The following TSPAN10 variants were observed in gnomAD, a reference collection of about 807,000 sequenced individuals.
The protein encoded by TSPAN10 is tetraspanin 10.
In TSPAN10, 11 loss-of-function variants were observed where a neutral mutation model predicts 15.0. The ratio of observed to expected loss-of-function variants is 0.73; its 90% CI spans 0.46 to 1.21. The LOEUF is 1.21. Ranked by LOEUF, TSPAN10 falls within the 50% of genes most tolerant of loss-of-function variation. The pLI is 0.00. For missense variants in TSPAN10, 486 were observed against 470.6 expected, an observed-to-expected ratio of 1.03 and a Z score of -0.30; for synonymous variants, 241 against 226.2, an observed-to-expected ratio of 1.07 and a Z score of -0.59.
At chr17:81,643,723 C>T (rs1217255711) in intron 1 of TSPAN10, among the ~76,000 whole-genome samples, 1 of 152,060 alleles carries the variant, frequency 6.6e-6, no homozygotes. Flanking sequence ...TTTGAGGCTG[C>T]AGTGAGCTGA....
intron 2 of TSPAN10, chr17:81,646,047 C>T (rs2036248865): frequency 6.6e-6 from 2 of 301,110 alleles, no homozygotes; most frequent in South Asian, 3.2e-5. Flanking sequence ...CCGCCAGGGC[C>T]AGGAGGACTA....
intron 1 of TSPAN10, among the ~76,000 whole-genome samples, chr17:81,642,682 T>C (rs1313234136): frequency 6.6e-6 from 1 of 152,190 alleles, no homozygotes; most frequent in African/African-American, 2.4e-5. Context: ...CAGATCTCCC[T>C]GAGGGCCTTG....
intron 2 of TSPAN10, chr17:81,645,863 T>TAA: frequency 1.6e-6 from 1 of 627,332 alleles, no homozygotes; most frequent in Non-Finnish European, 2.8e-6. Context: ...GAACATGTTC[T>TAA]TGTGCACACA....
chr17:81,643,266 G>A (rs1297531771), intron 1 of TSPAN10, among the ~76,000 whole-genome samples: 1 of 149,350 alleles, frequency 6.7e-6, no homozygotes, highest in Non-Finnish European at 1.5e-5. Context: ...CCAAAGTGCT[G>A]GGATTACAGG....
At chr17:81,647,206 C>T (rs2036266506) in intron 2 of TSPAN10, among the ~76,000 whole-genome samples, 1 of 152,122 alleles carries the variant, frequency 6.6e-6, no homozygotes, top group African/African-American at 2.4e-5. Flanking sequence ...GGTGGCAGTC[C>T]CCCTAGAGTG....
chr17:81,639,996 G>C (rs1016628394), upstream of TSPAN10, among the ~76,000 whole-genome samples: 1 of 148,160 alleles, frequency 6.7e-6, no homozygotes, highest in Non-Finnish European at 1.5e-5. Context: ...AAAAAAAAAA[G>C]AAAAGACTGG....
At chr17:81,642,713 G>T (rs1328787485) in intron 1 of TSPAN10, among the ~76,000 whole-genome samples, 1 of 152,182 alleles carries the variant, frequency 6.6e-6, no homozygotes, top group African/African-American at 2.4e-5. Flanking sequence ...TTGGCTCAGG[G>T]TGCAGGAGGG....
chr17:81,641,143 C>T (rs1039344851), upstream of TSPAN10, among the ~76,000 whole-genome samples: 16 of 151,704 alleles, frequency 1.1e-4, no homozygotes, highest in African/African-American at 3.9e-4. Context: ...CCAGCCTCAG[C>T]AACAGAGCGA....
At chr17:81,642,306 G>C (rs752133702), upstream of TSPAN10, 6 of 1,377,164 alleles carry the variant, frequency 4.4e-6, no homozygotes, top group South Asian at 1.2e-5. Context: ...ACTGTTCACA[G>C]ACTAGCCCAG....
intron 1 of TSPAN10, among the ~76,000 whole-genome samples, chr17:81,643,535 C>T (rs868825724): frequency 2.3e-5 from 1 of 42,996 alleles, no homozygotes; most frequent in Middle Eastern, 0.012. Context: ...GGCGTGAACC[C>T]GGGAGGCGGA....
rs776419388 is a variant in TSPAN10 at position 81,648,183 on chromosome 17, C to T, written c.957C>T (p.Leu319=). Reference sequence around the variant, plus strand: ...TGGCCGCCCGGCTACTCGGGGCCCTCGCTGCCCGCAGGGGGGCGGCGTACG... The same window carrying T: ...TGGCCGCCCGGCTACTCGGGGCCCTTGCTGCCCGCAGGGGGGCGGCGTACG... The change falls in exon 3 of 3, where the codon CTC becomes CTT. Residue 319 remains leucine, a synonymous_variant. Coordinates refer to ENST00000611590, the Ensembl canonical transcript of TSPAN10. The T allele has an allele frequency of 7.2e-4, 1,029 of 1,422,666 alleles. 1 individual carries two copies. The highest frequency in any genetic ancestry group is 8.6e-4 in the Non-Finnish European group (953 of 1,101,838). The allele number at this position is 1,422,666 out of a possible 1,614,324, so 88.1% of individuals were successfully genotyped here.
chr17:81,645,297 G>GC lies in TSPAN10; in HGVS notation c.346dup (p.Leu116ProfsTer30), dbSNP rs759723363. 2.0e-6 allele frequency: 3 copies of GC among 1,538,304 alleles called. No individual in the cohort carries two copies. Among genetic ancestry groups the GC allele is most frequent in the Non-Finnish European group, 2.6e-6 (3 of 1,148,742 alleles). The stretch of plus-strand genomic sequence containing the variant: ...GGTCTCTGGGAAGTGATCTGGGGGG[G>GC]CCCCTGCCCGCAGACCCCATGCTGG... On this transcript the variant is annotated frameshift_variant, in exon 2 of 3. Coordinates refer to ENST00000611590, the Ensembl canonical transcript of TSPAN10. LOFTEE classifies it high-confidence loss of function.
At chr17:81,641,679 G>T (rs533743512), upstream of TSPAN10, among the ~76,000 whole-genome samples, 4 of 152,142 alleles carry the variant, frequency 2.6e-5, no homozygotes, top group Middle Eastern at 6.8e-3. Context: ...ACTTTGGAAG[G>T]CCAAGGCAGG....
downstream of TSPAN10, chr17:81,648,421 A>G (rs915121581): frequency 1.7e-5 from 16 of 918,966 alleles, no homozygotes; most frequent in Non-Finnish European, 1.9e-5. Flanking sequence ...ACTTCGCCGC[A>G]GGACCTACCC....
exon 2 of TSPAN10, chr17:81,645,406 C>G: frequency 6.2e-7 from 1 of 1,603,526 alleles, no homozygotes; most frequent in Non-Finnish European, 8.5e-7. Flanking sequence ...CTGCCTGTTA[C>G]GTGGCTTCTC....
intron 1 of TSPAN10, among the ~76,000 whole-genome samples, chr17:81,643,959 C>T (rs1195542422): frequency 6.6e-6 from 1 of 151,930 alleles, no homozygotes; most frequent in Non-Finnish European, 1.5e-5. Context: ...CCTGCCTCAG[C>T]CTCCCAAGTA....
chr17:81,647,455 A>G (rs9906358), intron 2 of TSPAN10: 227,697 of 462,350 alleles, frequency 0.49, 62,019 homozygotes, highest in East Asian at 1. Flanking sequence ...TGTCACTGCC[A>G]GGTACTGCCT....
exon 2 of TSPAN10, chr17:81,645,123 C>T (rs376318100): frequency 2.5e-6 from 4 of 1,582,212 alleles, no homozygotes; most frequent in Non-Finnish European, 2.6e-6. Context: ...AGCACCAGGC[C>T]TTGAGTGGCA....
At chr17:81,648,041 G>C (rs2037816757) in exon 3 of TSPAN10, 11 of 1,596,998 alleles carry the variant, frequency 6.9e-6, no homozygotes, top group Non-Finnish European at 8.5e-6. Context: ...GCAGCTCAGA[G>C]AGTGGTGTAC....
Sources: allele counts gnomAD v4.1 joint callset (sites outside exome capture counted in the v4.1 genomes callset), GRCh38; gene constraint gnomAD v4.1.1; transcripts MANE v1.5; gene names NCBI Gene and HGNC (gene_info 2026-07-23, HGNC 2026-07-21).